SMOC2: variants seen among roughly 807,000 people sequenced by gnomAD.
SMOC2 encodes the protein SPARC-related modular calcium-binding protein 2.
SMOC2 carries 39 observed loss-of-function variants against 61.4 expected under a neutral mutation model. The observed-to-expected ratio is 0.64, with a 90% confidence interval of 0.49 to 0.83. The LOEUF (loss-of-function observed/expected upper bound fraction) is 0.83. SMOC2 is among the 40% of genes least tolerant of loss of function. The pLI is 0.00. For synonymous variants in SMOC2, 247 were observed against 239.9 expected, an observed-to-expected ratio of 1.03 and a Z score of -0.27; for missense variants, 556 against 592.9, an observed-to-expected ratio of 0.94 and a Z score of 0.65.
At chr6:168,520,801 C>T (rs891128344) in intron 2 of SMOC2, among the ~76,000 whole-genome samples, 19 of 152,172 alleles carry the variant, frequency 1.2e-4, no homozygotes, top group Non-Finnish European at 2.6e-4. Flanking sequence ...TTATGTTATT[C>T]GATTCTGTTA....
At chr6:168,492,285 A>G (rs1236766840) in intron 1 of SMOC2, among the ~76,000 whole-genome samples, 2 of 152,232 alleles carry the variant, frequency 1.3e-5, no homozygotes, top group East Asian at 1.9e-4. Flanking sequence ...CGAGGCACAC[A>G]CACACATGCA....
chr6:168,609,452 G>A (rs1174280032), intron 9 of SMOC2, among the ~76,000 whole-genome samples: 1 of 152,138 alleles, frequency 6.6e-6, no homozygotes, highest in Non-Finnish European at 1.5e-5. Context: ...GAGGGTGGGG[G>A]AAGAGATCAC....
At chr6:168,456,326 G>A (rs1402974782) in intron 1 of SMOC2, among the ~76,000 whole-genome samples, 1 of 152,238 alleles carries the variant, frequency 6.6e-6, no homozygotes, top group African/African-American at 2.4e-5. Context: ...CAGGGTGGGT[G>A]GGGCGTGGAG....
At chr6:168,488,638 G>C (rs1230090834) in intron 1 of SMOC2, among the ~76,000 whole-genome samples, 2 of 152,156 alleles carry the variant, frequency 1.3e-5, no homozygotes, top group East Asian at 3.9e-4. Context: ...GAATCGTCTG[G>C]GTCCCCTTGG....
intron 1 of SMOC2, among the ~76,000 whole-genome samples, chr6:168,450,229 A>G (rs988304813): frequency 3.3e-5 from 5 of 152,210 alleles, no homozygotes; most frequent in African/African-American, 1.2e-4. Context: ...AGCAAGAAAG[A>G]TAATGTGAGC....
At position 168,483,373 on chromosome 6, in the gene SMOC2, ATCAAATAATGTG is replaced by A. The variant is rs537668321; in HGVS notation, c.85-26541_85-26530del. On this transcript the variant is annotated intron_variant, in intron 1 of 12. Coordinates refer to ENST00000356284, the MANE Select transcript of SMOC2 (RefSeq NM_001166412.2). Reference sequence around the variant, plus strand: ...TTAAAAAGTAAAATGCTTTGGAATAATCAAATAATGTGACAGATTTGTACAATAAAAATTATA... The same window carrying A: ...TTAAAAAGTAAAATGCTTTGGAATAAACAGATTTGTACAATAAAAATTATA... Among the ~76,000 whole-genome samples the A allele has an allele frequency of 3.4e-3, 513 of 152,272 alleles. 5 individuals carry two copies. The highest frequency in any genetic ancestry group is 0.012 in the African/African-American group (485 of 41,580).
At chr6:168,499,668 G>A (rs188079371) in intron 1 of SMOC2, among the ~76,000 whole-genome samples, 8 of 152,282 alleles carry the variant, frequency 5.3e-5, no homozygotes, top group East Asian at 1.9e-4. Context: ...TTTCCAGTGC[G>A]TATACTTTTA....
At chr6:168,526,542 C>T (rs771106611) in intron 3 of SMOC2, 90 bp downstream of exon 3, 66 of 1,006,548 alleles carry the variant, frequency 6.6e-5, no homozygotes, top group Non-Finnish European at 9.3e-5. Context: ...TGGGGGGAGC[C>T]GAACAGAAGA....
At chr6:168,559,454 CA>C (rs965938278) in intron 7 of SMOC2, among the ~76,000 whole-genome samples, 108 of 136,962 alleles carry the variant, frequency 7.9e-4, no homozygotes, top group African/African-American at 2.7e-3. Flanking sequence ...GACTCTGTCT[CA>C]AAAAAATAAA....
intron 7 of SMOC2, among the ~76,000 whole-genome samples, chr6:168,568,318 GTTTTAC>G (rs934646727): frequency 2.6e-5 from 4 of 152,192 alleles, no homozygotes; most frequent in African/African-American, 9.7e-5. Context: ...TTTTAGAGCA[GTTTTAC>G]TTTTAGAGAA....
intron 7 of SMOC2, among the ~76,000 whole-genome samples, chr6:168,565,742 C>G (rs1784526315): frequency 6.6e-6 from 1 of 152,210 alleles, no homozygotes; most frequent in African/African-American, 2.4e-5. Context: ...CTATTGACGG[C>G]ACCACCAACG....
intron 1 of SMOC2, among the ~76,000 whole-genome samples, chr6:168,474,612 C>T (rs546440102): frequency 3.9e-5 from 6 of 152,126 alleles, no homozygotes; most frequent in Non-Finnish European, 8.8e-5. Context: ...TCCACTGAAA[C>T]CTCCGGAGAC....
At chr6:168,589,114 G>A (rs1785115031) in intron 7 of SMOC2, among the ~76,000 whole-genome samples, 1 of 151,028 alleles carries the variant, frequency 6.6e-6, no homozygotes, top group African/African-American at 2.4e-5. Context: ...ATAAGAAGAT[G>A]GGAGTAAACA....
chr6:168,665,400 C>T (rs895506044), intron 12 of SMOC2, among the ~76,000 whole-genome samples: 2 of 152,260 alleles, frequency 1.3e-5, no homozygotes, highest in South Asian at 2.1e-4. Context: ...TCCTACCGGC[C>T]GTGGCCATTG....
intron 9 of SMOC2, among the ~76,000 whole-genome samples, chr6:168,630,655 T>C (rs974739211): frequency 7.9e-5 from 12 of 152,172 alleles, no homozygotes; most frequent in African/African-American, 2.9e-4. Context: ...GTGAGCCGGG[T>C]GGAACAGAGC....
chr6:168,560,563 TC>T (rs1784390289), intron 7 of SMOC2, among the ~76,000 whole-genome samples: 1 of 139,252 alleles, frequency 7.2e-6, no homozygotes, highest in African/African-American at 2.7e-5. Flanking sequence ...GACACGAGGC[TC>T]TCACTGCATT....
chr6:168,588,324 A>G (rs1785093417), intron 7 of SMOC2, among the ~76,000 whole-genome samples: 1 of 151,856 alleles, frequency 6.6e-6, no homozygotes, highest in African/African-American at 2.4e-5. Flanking sequence ...GGGTTTCACC[A>G]TATTTGTCAG....
intron 9 of SMOC2, among the ~76,000 whole-genome samples, chr6:168,640,799 G>A (rs1786875214): frequency 6.6e-6 from 1 of 152,158 alleles, no homozygotes; most frequent in Non-Finnish European, 1.5e-5. Context: ...GGAAAGAAAA[G>A]TTTCTCTTTT....
chr6:168,547,960 T>C (rs1156554599), intron 6 of SMOC2, among the ~76,000 whole-genome samples: 1 of 152,214 alleles, frequency 6.6e-6, no homozygotes, highest in Non-Finnish European at 1.5e-5. Flanking sequence ...TCTTTACAAG[T>C]GGTCATAACA....
Sources: allele counts gnomAD v4.1 joint callset (sites outside exome capture counted in the v4.1 genomes callset), GRCh38; gene constraint gnomAD v4.1.1; transcripts MANE v1.5; gene names NCBI Gene and HGNC (gene_info 2026-07-23, HGNC 2026-07-21).